The following ZNF385B variants were observed in gnomAD, a reference collection of about 807,000 sequenced individuals.
ZNF385B encodes the protein zinc finger protein 533.
A neutral mutation model predicts 39.2 loss-of-function variants in ZNF385B; 23 were observed. The observed-to-expected ratio is 0.59, with a 90% confidence interval of 0.42 to 0.83. ZNF385B has a LOEUF of 0.83. Ranked by LOEUF, ZNF385B falls within the 40% of genes least tolerant of loss-of-function variation. The pLI, the probability that ZNF385B is intolerant of heterozygous loss-of-function variation, is 0.00. For synonymous variants in ZNF385B, 205 were observed against 222.6 expected, an observed-to-expected ratio of 0.92 and a Z score of 0.70; for missense variants, 552 against 598.9, an observed-to-expected ratio of 0.92 and a Z score of 0.82.
chr2:179,549,830 A>G (rs2105922546), intron 3 of ZNF385B, among the ~76,000 whole-genome samples: 1 of 149,534 alleles, frequency 6.7e-6, no homozygotes, highest in African/African-American at 2.5e-5. Flanking sequence ...TAGGGAAGAC[A>G]GAGTAGCATT....
At chr2:179,780,190 A>G (rs1006735082) in intron 1 of ZNF385B, among the ~76,000 whole-genome samples, 3 of 152,186 alleles carry the variant, frequency 2.0e-5, no homozygotes, top group Non-Finnish European at 2.9e-5. Context: ...CCTGCCACCA[A>G]CAAGATGTGG....
intron 3 of ZNF385B, among the ~76,000 whole-genome samples, chr2:179,655,853 T>C (rs548191288): frequency 1.3e-5 from 2 of 152,286 alleles, no homozygotes; most frequent in Admixed American, 1.3e-4. Flanking sequence ...CAAGTAATAC[T>C]GAGTCATGGT....
At chr2:179,476,578 T>C (rs2053472933) in intron 6 of ZNF385B, among the ~76,000 whole-genome samples, 1 of 152,216 alleles carries the variant, frequency 6.6e-6, no homozygotes, top group Non-Finnish European at 1.5e-5. Flanking sequence ...ACAGTAAATG[T>C]TCAGCATTAT....
intron 1 of ZNF385B, among the ~76,000 whole-genome samples, chr2:179,790,271 C>A (rs1247884981): frequency 6.6e-6 from 1 of 152,196 alleles, no homozygotes; most frequent in East Asian, 1.9e-4. Context: ...TGCTCTTATG[C>A]TTCACCCTGC....
intron 5 of ZNF385B, among the ~76,000 whole-genome samples, chr2:179,497,710 T>G (rs989229225): frequency 6.6e-6 from 1 of 152,018 alleles, no homozygotes; most frequent in Non-Finnish European, 1.5e-5. Context: ...CAGGAGTAAG[T>G]CCTTACTTAT....
intron 1 of ZNF385B, among the ~76,000 whole-genome samples, chr2:179,813,630 A>C (rs1706875180): frequency 1.3e-5 from 2 of 152,234 alleles, no homozygotes; most frequent in South Asian, 4.1e-4. Flanking sequence ...ACCCTATAGT[A>C]GTCAAATAAA....
chr2:179,831,311 C>G (rs408842), intron 1 of ZNF385B, among the ~76,000 whole-genome samples: 9 of 152,050 alleles, frequency 5.9e-5, no homozygotes, highest in African/African-American at 2.2e-4. Flanking sequence ...TCCTTGTTTT[C>G]TAAGGAAACA....
intron 1 of ZNF385B, among the ~76,000 whole-genome samples, chr2:179,810,119 A>G (rs1392282530): frequency 1.3e-5 from 2 of 151,942 alleles, no homozygotes; most frequent in Admixed American, 1.3e-4. Flanking sequence ...ACTATTTTGA[A>G]TATTGTCTTC....
At position 179,549,047 on chromosome 2, in the gene ZNF385B, T is replaced by C. The variant is rs912050394; in HGVS notation, c.299-4078A>G. On this transcript the variant is annotated intron_variant, in intron 3 of 9. Coordinates refer to ENST00000410066, the MANE Select transcript of ZNF385B (RefSeq NM_152520.6). ...CTCTATTCTAGACATTTCATTTAAA[T>C]GAAATCATATAATGTGTGATGTGGT... 1.3e-5 allele frequency among the ~76,000 whole-genome samples: 2 copies of C among 149,640 alleles called. 1 individual carries two copies. Among genetic ancestry groups the C allele is most frequent in the African/African-American group, 5.0e-5 (2 of 39,736 alleles).
At chr2:179,697,198 C>T (rs1388142259) in intron 3 of ZNF385B, among the ~76,000 whole-genome samples, 2 of 152,140 alleles carry the variant, frequency 1.3e-5, no homozygotes, top group Non-Finnish European at 2.9e-5. Context: ...ATACTCGGTC[C>T]ACTACCTATG....
chr2:179,647,501 A>G (rs1357177557), intron 3 of ZNF385B, among the ~76,000 whole-genome samples: 2 of 152,128 alleles, frequency 1.3e-5, no homozygotes, highest in African/African-American at 4.8e-5. Flanking sequence ...CTAAATAAGT[A>G]AGAAGTGACA....
chr2:179,743,799 T>A (rs555891385), intron 3 of ZNF385B, among the ~76,000 whole-genome samples: 62 of 152,264 alleles, frequency 4.1e-4, no homozygotes, highest in African/African-American at 1.5e-3. Flanking sequence ...TAATATCATT[T>A]TAGCATTTGA....
At chr2:179,601,756 T>C (rs1688427841) in intron 3 of ZNF385B, among the ~76,000 whole-genome samples, 1 of 152,160 alleles carries the variant, frequency 6.6e-6, no homozygotes, top group Non-Finnish European at 1.5e-5. Context: ...TCAATAACTA[T>C]AAGGTCCCTT....
intron 4 of ZNF385B, among the ~76,000 whole-genome samples, chr2:179,523,526 C>A (rs2058659172): frequency 1.3e-5 from 2 of 151,876 alleles, no homozygotes; most frequent in African/African-American, 4.8e-5. Context: ...AAGATGGGGG[C>A]TGTGTGCTCA....
chr2:179,474,864 A>C (rs993531425), intron 6 of ZNF385B, among the ~76,000 whole-genome samples: 9 of 152,194 alleles, frequency 5.9e-5, no homozygotes, highest in Non-Finnish European at 1.0e-4. Flanking sequence ...CATTTCTGTT[A>C]AAATCTATGT....
chr2:179,576,294 C>G (rs1283322228), intron 3 of ZNF385B: 1 of 475,112 alleles, frequency 2.1e-6, no homozygotes, highest in Admixed American at 6.4e-5. Context: ...AACCACATTA[C>G]TCCTCTACTT....
At chr2:179,544,449 A>AT (rs549703963) in intron 4 of ZNF385B, among the ~76,000 whole-genome samples, 30,521 of 148,722 alleles carry the variant, frequency 0.21, 3,256 homozygotes, top group Middle Eastern at 0.26. Context: ...TCCTACAGTC[A>AT]TTTTTTTTTT....
intron 3 of ZNF385B, among the ~76,000 whole-genome samples, chr2:179,631,028 C>A (rs1393094181): frequency 6.6e-6 from 1 of 152,102 alleles, no homozygotes; most frequent in African/African-American, 2.4e-5. Flanking sequence ...TGTGAAAAGA[C>A]CAAATCTACG....
intron 5 of ZNF385B, among the ~76,000 whole-genome samples, chr2:179,484,401 A>G (rs1292240335): frequency 6.6e-6 from 1 of 152,166 alleles, no homozygotes; most frequent in East Asian, 1.9e-4. Flanking sequence ...ATGGTATATT[A>G]GCTTAGTTAT....
Sources: gnomAD v4.1 joint callset for allele counts (sites outside exome capture counted in the v4.1 genomes callset) on GRCh38, gnomAD v4.1.1 for gene constraint, MANE v1.5 for transcripts, NCBI Gene and HGNC (gene_info 2026-07-23, HGNC 2026-07-21) for gene names.